Variants in MYO16 observed in about 807,000 individuals in gnomAD.
MYO16 encodes the protein unconventional myosin-XVI.
Under a neutral mutation model 205.3 loss-of-function variants are expected in MYO16, and 94 were observed. That is an observed-to-expected ratio of 0.46 (90% confidence interval 0.39 to 0.54). The LOEUF (loss-of-function observed/expected upper bound fraction) is 0.54. Among genes scored for constraint, MYO16 ranks in the 20% least tolerant of loss-of-function variants. MYO16 has a pLI of 0.00. For synonymous variants in MYO16, 988 were observed against 954.0 expected (o/e 1.04, Z -0.66); for missense variants, 2,315 against 2,387.5 (o/e 0.97, Z 0.63).
chr13:108,777,445 T>C (rs1048990942), intron 4 of MYO16, among the ~76,000 whole-genome samples: 1 of 152,164 alleles, frequency 6.6e-6, no homozygotes, highest in Non-Finnish European at 1.5e-5. Flanking sequence ...GGAGAGTATC[T>C]GGAAGAGGAC....
chr13:109,072,768 TAAAC>T, intron 27 of MYO16, among the ~76,000 whole-genome samples: 1 of 152,332 alleles, frequency 6.6e-6, no homozygotes, highest in Non-Finnish European at 1.5e-5. Flanking sequence ...ATATTTCAGA[TAAAC>T]AACAAATGTC....
At chr13:108,798,436 A>C (rs1038040584) in intron 6 of MYO16, among the ~76,000 whole-genome samples, 1 of 152,148 alleles carries the variant, frequency 6.6e-6, no homozygotes, top group Non-Finnish European at 1.5e-5. Context: ...AAATAACTAA[A>C]TATAACATAT....
chr13:108,991,298 T>C (rs954943372), intron 20 of MYO16, among the ~76,000 whole-genome samples: 30 of 152,300 alleles, frequency 2.0e-4, no homozygotes, highest in African/African-American at 6.0e-4. Flanking sequence ...GCTTACCAAG[T>C]GGGCTCAGAC....
chr13:108,923,220 T>C (rs1881826629), intron 16 of MYO16, among the ~76,000 whole-genome samples: 1 of 152,210 alleles, frequency 6.6e-6, no homozygotes, highest in African/African-American at 2.4e-5. Context: ...GTATCCATCT[T>C]GTGCCCCAGT....
Position 108,653,425 on chromosome 13 carries a change from C to G in MYO16, c.29-12461C>G, listed in dbSNP as rs188998522. 5.3e-4 allele frequency among the ~76,000 whole-genome samples: 80 copies of G among 152,152 alleles called. 1 individual carries two copies. The highest frequency in any genetic ancestry group is 2.1e-4 in the South Asian group (1 of 4,814). On this transcript the variant is annotated intron_variant, in intron 1 of 34. Transcript: ENST00000457511. ...ATTCGTCTATTTTTGCTTTTTCTGT[C>G]TGTGCTTTTGGTGTCATAGCTAGAA... is the stretch of plus-strand genomic sequence containing the variant.
At chr13:108,914,603 T>C (rs1001941934) in intron 16 of MYO16, among the ~76,000 whole-genome samples, 1 of 152,198 alleles carries the variant, frequency 6.6e-6, no homozygotes, top group Non-Finnish European at 1.5e-5. Context: ...TCAATACTTA[T>C]CGTATCTTAT....
chr13:108,914,169 T>C (rs887869615), intron 16 of MYO16, among the ~76,000 whole-genome samples: 1 of 148,836 alleles, frequency 6.7e-6, no homozygotes, highest in Non-Finnish European at 1.5e-5. Flanking sequence ...GTATATCTAC[T>C]ATTATTAAGT....
intron 2 of MYO16, among the ~76,000 whole-genome samples, chr13:108,684,641 G>T (rs1882599847): frequency 6.6e-6 from 1 of 152,260 alleles, no homozygotes; most frequent in East Asian, 1.9e-4. Context: ...TCTGGCTGGG[G>T]GTTGGTCACC....
At chr13:108,730,060 A>G (rs1481343293) in intron 4 of MYO16, among the ~76,000 whole-genome samples, 1 of 152,220 alleles carries the variant, frequency 6.6e-6, no homozygotes, top group Non-Finnish European at 1.5e-5. Context: ...CCCCTTCAGC[A>G]TCTAGGAGAC....
At chr13:108,510,461 G>GTTTTTTTTTTTTTT in the MYO16 span, among the ~76,000 whole-genome samples, 10 of 45,914 alleles carry the variant, frequency 2.2e-4, no homozygotes, top group African/African-American at 6.0e-4. Context: ...ATTGATAGCT[G>GTTTTTTTTTTTTTT]TTTTTTTTTT....
intron 7 of MYO16, among the ~76,000 whole-genome samples, chr13:108,810,879 G>A (rs1425341024): frequency 6.6e-6 from 1 of 152,096 alleles, no homozygotes; most frequent in Non-Finnish European, 1.5e-5. Context: ...ATAGTGGGAT[G>A]ATGTACATAT....
intron 22 of MYO16, among the ~76,000 whole-genome samples, chr13:109,019,179 A>G (rs1885936741): frequency 6.6e-6 from 1 of 151,962 alleles, no homozygotes. Flanking sequence ...AGGTCTTACC[A>G]TGTTTCCCAG....
intron 32 of MYO16, among the ~76,000 whole-genome samples, chr13:109,151,445 G>T (rs1353298319): frequency 6.6e-6 from 1 of 152,166 alleles, no homozygotes; most frequent in Non-Finnish European, 1.5e-5. Context: ...TCTAAACTAT[G>T]CAGAGCCCAA....
At chr13:108,547,544 G>A in the MYO16 span, among the ~76,000 whole-genome samples, 1 of 152,096 alleles carries the variant, frequency 6.6e-6, no homozygotes, top group Non-Finnish European at 1.5e-5. Context: ...ACACCACTCT[G>A]TATACTATTA....
At chr13:109,081,081 A>T (rs1367655) in intron 27 of MYO16, among the ~76,000 whole-genome samples, 83,376 of 151,920 alleles carry the variant, frequency 0.55, 23,273 homozygotes, top group Non-Finnish European at 0.6. Context: ...ATTATAGATA[A>T]ACACACATAC....
the MYO16 span, among the ~76,000 whole-genome samples, chr13:108,503,445 GT>G: frequency 5.3e-4 from 78 of 148,248 alleles, no homozygotes; most frequent in East Asian, 3.6e-3. Flanking sequence ...GCTCAAAAAA[GT>G]TTTTTTTTTT....
intron 4 of MYO16, among the ~76,000 whole-genome samples, chr13:108,772,950 G>T (rs1886015868): frequency 6.6e-6 from 1 of 152,102 alleles, no homozygotes. Context: ...AAACTGGGTG[G>T]CTTATAAACA....
the MYO16 span, among the ~76,000 whole-genome samples, chr13:108,576,519 C>T: frequency 0.35 from 53,344 of 151,944 alleles, 10,656 homozygotes; most frequent in Non-Finnish European, 0.44. Context: ...GTTATTTATT[C>T]GACACACAAA....
At chr13:108,790,370 T>G (rs2138936289) in intron 5 of MYO16, among the ~76,000 whole-genome samples, 1 of 152,334 alleles carries the variant, frequency 6.6e-6, no homozygotes, top group Admixed American at 6.5e-5. Flanking sequence ...AGTAATAATA[T>G]CACAAGTAAT....
Sources: allele counts gnomAD v4.1 joint callset (sites outside exome capture counted in the v4.1 genomes callset), GRCh38; gene constraint gnomAD v4.1.1; transcripts MANE v1.5; gene names NCBI Gene and HGNC (gene_info 2026-07-23, HGNC 2026-07-21).